Variants in RAPGEF2 observed in about 807,000 individuals in gnomAD.
RAPGEF2 encodes the protein PDZ domain containing guanine nucleotide exchange factor (GEF) 1.
Under a neutral mutation model 186.7 loss-of-function variants are expected in RAPGEF2, and 54 were observed. The observed-to-expected ratio is 0.29, with a 90% CI of 0.23 to 0.36. RAPGEF2 has a LOEUF of 0.36. Ranked by LOEUF, RAPGEF2 falls within the 10% of genes least tolerant of loss-of-function variation. The pLI is 1.00. For synonymous variants in RAPGEF2, 712 were observed against 705.9 expected (o/e 1.01, Z -0.14); for missense variants, 1,532 against 2,045.0 (o/e 0.75, Z 4.84).
At chr4:159,219,440 C>A (rs1243007049) in intron 4 of RAPGEF2, among the ~76,000 whole-genome samples, 1 of 149,722 alleles carries the variant, frequency 6.7e-6, no homozygotes, top group East Asian at 2.0e-4. Context: ...ACTGCAAGCC[C>A]CGCCTCCCGG....
At chr4:159,233,993 C>G (rs956575761) in intron 4 of RAPGEF2, among the ~76,000 whole-genome samples, 3 of 151,902 alleles carry the variant, frequency 2.0e-5, no homozygotes, top group African/African-American at 7.3e-5. Context: ...AATTAGGGCC[C>G]CCTGAATTTC....
chr4:159,199,566 T>TCC (rs1229175891), intron 3 of RAPGEF2, among the ~76,000 whole-genome samples: 1 of 152,202 alleles, frequency 6.6e-6, no homozygotes. Context: ...AAATGGCTGG[T>TCC]TACACATCAT....
intron 1 of RAPGEF2, among the ~76,000 whole-genome samples, chr4:159,142,546 TTGGGTATGAA>T (rs1274405488): frequency 6.6e-6 from 1 of 151,486 alleles, no homozygotes; most frequent in African/African-American, 2.4e-5. Flanking sequence ...TTTTCAAAAA[TTGGGTATGAA>T]TGGGTAAACC....
chr4:159,344,944 TA>T (rs1730075682), intron 23 of RAPGEF2, among the ~76,000 whole-genome samples, 161 bp from the exon 24 acceptor site: 1 of 152,246 alleles, frequency 6.6e-6, no homozygotes, highest in African/African-American at 2.4e-5. Context: ...TTTAAATTTT[TA>T]AAATCTGTAT....
intron 1 of RAPGEF2, among the ~76,000 whole-genome samples, chr4:159,118,626 C>T (rs1739316540): frequency 6.6e-6 from 1 of 151,972 alleles, no homozygotes; most frequent in South Asian, 2.1e-4. Flanking sequence ...GCTCTTGTTG[C>T]CCAGGCTGGA....
chr4:159,323,634 TA>T lies in RAPGEF2; in HGVS notation c.1149+22del. On this transcript the variant is annotated intron_variant, in intron 11 of 29. Transcript: ENST00000691494. ...GACTGCCAGGTATAAAATATATCAT[TA>T]AAAATATATATTTTATTCTTAATAA... is the stretch of plus-strand genomic sequence containing the variant. The T allele has an allele frequency of 7.3e-7, 1 of 1,378,316 alleles. No individual in the cohort carries two copies. Among genetic ancestry groups the T allele is most frequent in the Non-Finnish European group, 9.6e-7 (1 of 1,047,020 alleles). The allele number at this position is 1,378,316 out of a possible 1,614,324, so 85.4% of individuals were successfully genotyped here.
rs1487842961 is a variant in RAPGEF2, at chr4:159,232,683, T to C, written c.282-6126T>C. On this transcript the variant is annotated intron_variant, in intron 4 of 29. Transcript: ENST00000691494. ...TGCTGTGTCATATGTTAATTCTATG[T>C]TTAGATTTTTGAGAAATTGCCAAAC... is the stretch of plus-strand genomic sequence containing the variant. 2.0e-5 allele frequency among the ~76,000 whole-genome samples: 3 copies of C among 152,190 alleles called. 1 individual carries two copies. The East Asian group carries it at 5.8e-4, about 29-fold the overall frequency.
chr4:159,144,101 C>T (rs1742644881), intron 1 of RAPGEF2, among the ~76,000 whole-genome samples: 1 of 152,126 alleles, frequency 6.6e-6, no homozygotes, highest in Admixed American at 6.6e-5. Context: ...TCCCTTTAAC[C>T]TGGAGCAAAT....
intron 1 of RAPGEF2, among the ~76,000 whole-genome samples, chr4:159,179,585 C>T (rs1193598710): frequency 6.6e-6 from 1 of 152,194 alleles, no homozygotes; most frequent in Non-Finnish European, 1.5e-5. Flanking sequence ...CATTCTTACT[C>T]ACTTGCCTTT....
chr4:159,133,289 G>T (rs1741310399), intron 1 of RAPGEF2, among the ~76,000 whole-genome samples: 1 of 152,040 alleles, frequency 6.6e-6, no homozygotes, highest in Non-Finnish European at 1.5e-5. Flanking sequence ...TTCTAATTTT[G>T]CTTGTTGTTG....
At chr4:159,327,808 T>A (rs1766138488) in intron 11 of RAPGEF2, 1 of 152,146 alleles carries the variant, frequency 6.6e-6, no homozygotes, top group South Asian at 2.1e-4. Context: ...TAAAATGTAT[T>A]TCTTTTAAGG....
chr4:159,255,356 G>GT (rs59760897), intron 7 of RAPGEF2, among the ~76,000 whole-genome samples: 25,799 of 145,190 alleles, frequency 0.18, 2,257 homozygotes, highest in Admixed American at 0.22. Flanking sequence ...TGAATATATA[G>GT]TTTTTTTTTT....
In RAPGEF2 at chr4:159,343,324, A is replaced by G; in HGVS notation, c.3174A>G (p.Leu1058=). 1 of 1,614,096 alleles carries G rather than the reference A, an allele frequency of 6.2e-7. No individual in the cohort carries two copies. ...KVDGLVNFEK[L]RMIAKEIRHV... is the part of the protein sequence containing the mutation. Reference sequence around the variant, plus strand: ...ACGGGCTGGTCAATTTTGAGAAGCTAAGGATGATTGCAAAAGAAATTCGTC... The same window carrying G: ...ACGGGCTGGTCAATTTTGAGAAGCTGAGGATGATTGCAAAAGAAATTCGTC... Residue 1058 remains leucine (L), a synonymous_variant, in exon 22 of 30, where the codon CTA becomes CTG. Transcript: ENST00000691494.
At chr4:159,122,259 T>C (rs1183201836) in intron 1 of RAPGEF2, among the ~76,000 whole-genome samples, 1 of 151,926 alleles carries the variant, frequency 6.6e-6, no homozygotes, top group East Asian at 1.9e-4. Flanking sequence ...GGCAGGCGGA[T>C]CATGAGGTCA....
intron 20 of RAPGEF2, among the ~76,000 whole-genome samples, chr4:159,342,200 G>A (rs150212715): frequency 1.3e-5 from 2 of 152,196 alleles, no homozygotes; most frequent in African/African-American, 4.8e-5. Flanking sequence ...CTGAAGTTCT[G>A]ATTTGGAGCT....
intron 1 of RAPGEF2, among the ~76,000 whole-genome samples, chr4:159,183,012 T>A (rs2111283145): frequency 6.6e-6 from 1 of 152,296 alleles, no homozygotes; most frequent in Non-Finnish European, 1.5e-5. Context: ...GTCTGCAGAT[T>A]CAATGCAACC....
chr4:159,142,720 T>TA (rs1742489135), intron 1 of RAPGEF2, among the ~76,000 whole-genome samples: 1 of 152,208 alleles, frequency 6.6e-6, no homozygotes, highest in South Asian at 2.1e-4. Flanking sequence ...AATGGTTTTT[T>TA]AAAAAATCTT....
chr4:159,260,472 C>T (rs1218446145), intron 7 of RAPGEF2, among the ~76,000 whole-genome samples: 1 of 152,000 alleles, frequency 6.6e-6, no homozygotes, highest in Non-Finnish European at 1.5e-5. Flanking sequence ...TCGCATTTTC[C>T]CGCCAGCTGA....
At chr4:159,217,036 G>A (rs1298216636) in intron 4 of RAPGEF2, among the ~76,000 whole-genome samples, 2 of 152,054 alleles carry the variant, frequency 1.3e-5, no homozygotes, top group Admixed American at 6.6e-5. Context: ...TGCGTGATAA[G>A]TTAAGTGATT....
Sources: gnomAD v4.1 joint callset for allele counts (sites outside exome capture counted in the v4.1 genomes callset) on GRCh38, gnomAD v4.1.1 for gene constraint, MANE v1.5 for transcripts, NCBI Gene and HGNC (gene_info 2026-07-23, HGNC 2026-07-21) for gene names.